CPM: variants seen among roughly 807,000 people sequenced by gnomAD.
The protein encoded by CPM is renal carboxypeptidase.
A neutral mutation model predicts 46.4 loss-of-function variants in CPM; 35 were observed. The observed-to-expected ratio is 0.75, with a 90% CI of 0.58 to 1.00. The LOEUF (loss-of-function observed/expected upper bound fraction) is 1.00, where lower values mean the gene tolerates loss of function less well. CPM is among the 50% of genes least tolerant of loss of function. CPM has a pLI of 0.00. For synonymous variants in CPM, 195 were observed against 195.3 expected, an observed-to-expected ratio of 1.00 and a Z score of 0.01; for missense variants, 422 against 530.4, an observed-to-expected ratio of 0.80 and a Z score of 2.01.
chr12:68,875,908 T>C (rs1252832157), intron 3 of CPM, among the ~76,000 whole-genome samples: 1 of 152,188 alleles, frequency 6.6e-6, no homozygotes, highest in African/African-American at 2.4e-5. Flanking sequence ...TATTCTTCTG[T>C]TAATTCAAAT....
chr12:68,941,203 G>GTATA (rs1555201997), intron 1 of CPM, among the ~76,000 whole-genome samples: 138 of 149,540 alleles, frequency 9.2e-4, no homozygotes, highest in African/African-American at 3.1e-3. Context: ...GTGTGTGTGT[G>GTATA]TATATAAAGC....
intron 2 of CPM, among the ~76,000 whole-genome samples, chr12:68,904,609 A>G (rs1218424645): frequency 6.6e-6 from 1 of 152,232 alleles, no homozygotes; most frequent in Non-Finnish European, 1.5e-5. Flanking sequence ...ACCTTCAGAC[A>G]TGCCCAACTA....
chr12:68,942,935 T>C (rs550524751), intron 1 of CPM, among the ~76,000 whole-genome samples: 1 of 152,286 alleles, frequency 6.6e-6, no homozygotes, highest in South Asian at 2.1e-4. Flanking sequence ...AGGAAAAATC[T>C]AAACGTTTGA....
chr12:68,868,456 T>C (rs1361533490), intron 6 of CPM, among the ~76,000 whole-genome samples: 1 of 152,126 alleles, frequency 6.6e-6, no homozygotes, highest in Non-Finnish European at 1.5e-5. Flanking sequence ...ATGCCGCAAC[T>C]TGCTGTTGGT....
At chr12:68,897,429 C>T (rs1326073210) in intron 2 of CPM, among the ~76,000 whole-genome samples, 1 of 152,024 alleles carries the variant, frequency 6.6e-6, no homozygotes, top group Non-Finnish European at 1.5e-5. Flanking sequence ...TTTTGAAGGA[C>T]AATTCAGCTG....
upstream of CPM, among the ~76,000 whole-genome samples, chr12:68,936,378 CTTCT>C (rs1394114254): frequency 6.6e-6 from 1 of 151,832 alleles, no homozygotes; most frequent in African/African-American, 2.4e-5. Flanking sequence ...TAGAGGTGAT[CTTCT>C]TTCTTTCTTC....
chr12:68,904,512 G>C (rs1887254940), intron 2 of CPM, among the ~76,000 whole-genome samples: 2 of 152,224 alleles, frequency 1.3e-5, no homozygotes, highest in Non-Finnish European at 2.9e-5. Context: ...GGATGAGGCA[G>C]ATTCTTAGGG....
chr12:68,856,747 C>G, intron 8 of CPM, 68 bp from the exon 9 acceptor site: 2 of 1,558,994 alleles, frequency 1.3e-6, no homozygotes, highest in South Asian at 2.4e-5. Flanking sequence ...ACTGAAAACA[C>G]TGATATCCAT....
intron 5 of CPM, chr12:68,845,204 AT>A: frequency 1.0e-5 from 1 of 100,222 alleles, no homozygotes; most frequent in Non-Finnish European, 2.6e-5. Context: ...TTTGATACTT[AT>A]AAAAAGAAAA....
chr12:68,911,334 T>A (rs549292528), intron 2 of CPM, among the ~76,000 whole-genome samples: 1 of 152,312 alleles, frequency 6.6e-6, no homozygotes, highest in East Asian at 1.9e-4. Context: ...CAAAGTGTGC[T>A]GGCAGGAACA....
At chr12:68,871,689 C>T in intron 4 of CPM, 95 bp downstream of exon 4, 1 of 1,348,028 alleles carries the variant, frequency 7.4e-7, no homozygotes, top group Admixed American at 1.8e-5. Context: ...GGGCTCTCAC[C>T]ATGACACATC....
At chr12:68,897,530 G>A (rs1016730595) in intron 2 of CPM, among the ~76,000 whole-genome samples, 2 of 152,060 alleles carry the variant, frequency 1.3e-5, no homozygotes, top group African/African-American at 2.4e-5. Flanking sequence ...AAGGTCAGGA[G>A]TTCCAGAGCA....
chr12:68,890,620 C>T (rs556040215), intron 2 of CPM, among the ~76,000 whole-genome samples: 25 of 152,348 alleles, frequency 1.6e-4, no homozygotes, highest in African/African-American at 6.0e-4. Flanking sequence ...CAAAGCCAAC[C>T]CCACTCTGGG....
At position 68,917,997 on chromosome 12, in the gene CPM, TTCCTGCACCATA is replaced by T. The variant is rs148362565; in HGVS notation, c.160+14669_160+14680del. ...GCCACCATATATCTGTATCCTGCTG[TTCCTGCACCATA>T]CCCTTTGCTGTAATAAATCTTAGCC... On this transcript the variant is annotated intron_variant, in intron 2 of 8. Coordinates refer to ENST00000551568, the MANE Select transcript of CPM (RefSeq NM_198320.5). Among the ~76,000 whole-genome samples, 37 of 152,336 alleles carry T rather than the reference TTCCTGCACCATA, an allele frequency of 2.4e-4. No individual in the cohort carries two copies. In the East Asian group the frequency reaches 6.4e-3, roughly 26 times the overall value.
chr12:68,924,909 C>A (rs1206139869), intron 2 of CPM, among the ~76,000 whole-genome samples: 5 of 152,156 alleles, frequency 3.3e-5, no homozygotes, highest in African/African-American at 4.8e-5. Flanking sequence ...TAGTACTTTC[C>A]TCTTAGGAGC....
chr12:68,940,760 G>A (rs149649598), intron 1 of CPM, among the ~76,000 whole-genome samples: 9 of 151,890 alleles, frequency 5.9e-5, no homozygotes, highest in Admixed American at 6.6e-5. Flanking sequence ...TGTTGGAATT[G>A]GGTTGCAAAT....
At chr12:68,859,239 TAC>T (rs1565765341) in intron 7 of CPM, among the ~76,000 whole-genome samples, 168 bp from the exon 8 acceptor site, 1 of 152,196 alleles carries the variant, frequency 6.6e-6, no homozygotes, top group Non-Finnish European at 1.5e-5. Flanking sequence ...TAACTTAAAA[TAC>T]AGTCAAAATT....
intron 2 of CPM, chr12:68,914,132 A>C (rs535730278): frequency 6.7e-5 from 32 of 480,800 alleles, no homozygotes; most frequent in South Asian, 6.1e-4. Context: ...TGAAGAATGA[A>C]TCCATTCTTT....
intron 2 of CPM, among the ~76,000 whole-genome samples, chr12:68,889,318 C>T (rs541916807): frequency 2.6e-5 from 4 of 152,250 alleles, no homozygotes; most frequent in African/African-American, 9.6e-5. Flanking sequence ...TATATGAATG[C>T]ACTACCATTT....
Sources: allele counts gnomAD v4.1 joint callset (sites outside exome capture counted in the v4.1 genomes callset), GRCh38; gene constraint gnomAD v4.1.1; transcripts MANE v1.5; gene names NCBI Gene and HGNC (gene_info 2026-07-23, HGNC 2026-07-21).